The following OVOL2 variants were observed in gnomAD, a reference collection of about 807,000 sequenced individuals.
OVOL2 encodes ovo like zinc finger 2, also known as transcription factor Ovo-like 2.
Under a neutral mutation model 18.1 loss-of-function variants are expected in OVOL2, and 13 were observed. The ratio of observed to expected loss-of-function variants is 0.72; its 90% CI spans 0.47 to 1.14. OVOL2 has a LOEUF of 1.14. Ranked by LOEUF, OVOL2 falls within the 50% of genes most tolerant of loss-of-function variation. OVOL2 has a pLI of 0.00. For missense variants in OVOL2, 335 were observed against 383.0 expected, an observed-to-expected ratio of 0.87 and a Z score of 1.05; for synonymous variants, 166 against 162.7, an observed-to-expected ratio of 1.02 and a Z score of -0.16.
intron 3 of OVOL2, among the ~76,000 whole-genome samples, chr20:18,039,323 CT>C (rs776459096): frequency 1.4e-4 from 22 of 152,116 alleles, no homozygotes; most frequent in Non-Finnish European, 2.9e-4. Context: ...TGAAAAGTCT[CT>C]TTAGAAAAAG....
intron 3 of OVOL2, among the ~76,000 whole-genome samples, chr20:18,036,218 G>A (rs953756721): frequency 7.2e-5 from 11 of 152,034 alleles, no homozygotes; most frequent in Admixed American, 6.6e-4. Context: ...ACTTGAACCC[G>A]GGAGGCAGAG....
At position 18,056,792 on chromosome 20, in the gene OVOL2, C is replaced by T; in HGVS notation, c.186G>A (p.Ala62=). The part of the protein sequence containing the change: ...GSSSGSGSSS[A]GEPGGAESSS... ...TGCTCTCTGCTCCTCCAGGCTCCCC[C>T]GCGCTGCTGCTGCCGCTGCCGCTGC... The change falls in exon 2 of 4, where the codon GCG becomes GCA. Residue 62 remains alanine (A), a synonymous_variant. Coordinates refer to ENST00000278780, the MANE Select transcript of OVOL2 (RefSeq NM_021220.4). This position sits in a 1 kb window ranked among gnomAD's most constrained non-coding sequence, Gnocchi z 4.2. 1.3e-6 allele frequency: 2 copies of T among 1,498,386 alleles called. No homozygotes were observed. Among genetic ancestry groups the T allele is most frequent in the Non-Finnish European group, 1.8e-6 (2 of 1,131,268 alleles). 92.8% of individuals were successfully genotyped at this position (1,498,386 alleles called of 1,614,324 possible).
intron 2 of OVOL2, among the ~76,000 whole-genome samples, chr20:18,043,269 A>T (rs1425474317): frequency 6.6e-6 from 1 of 152,200 alleles, no homozygotes; most frequent in Non-Finnish European, 1.5e-5. Flanking sequence ...TGCTCCATTT[A>T]TCAAGAGATG....
At chr20:18,033,227 T>C (rs1017092122) in intron 3 of OVOL2, among the ~76,000 whole-genome samples, 17 of 152,190 alleles carry the variant, frequency 1.1e-4, no homozygotes, top group African/African-American at 4.1e-4. Context: ...CCTCTGAATG[T>C]AGGCCCCGAT....
chr20:18,055,273 A>T (rs2036809984), intron 2 of OVOL2, among the ~76,000 whole-genome samples: 1 of 152,192 alleles, frequency 6.6e-6, no homozygotes, highest in Non-Finnish European at 1.5e-5. Context: ...TGGGGGACAG[A>T]GGGGCAAACT....
At chr20:18,050,168 C>T (rs935220894) in intron 2 of OVOL2, among the ~76,000 whole-genome samples, 6 of 152,162 alleles carry the variant, frequency 3.9e-5, no homozygotes, top group African/African-American at 7.2e-5. Flanking sequence ...CCTGCACCGC[C>T]GAAGCTAGAG....
chr20:18,051,887 C>T (rs1207957455), intron 2 of OVOL2, among the ~76,000 whole-genome samples: 1 of 152,164 alleles, frequency 6.6e-6, no homozygotes, highest in Non-Finnish European at 1.5e-5. Flanking sequence ...TGCATGCCAC[C>T]AAGCCCTACT....
In OVOL2 at chr20:18,056,853, T is replaced by C. The variant is rs764951256; in HGVS notation, c.125A>G (p.Asp42Gly). 1.3e-5 allele frequency: 19 copies of C among 1,481,304 alleles called. No individual in the cohort carries two copies. The South Asian group carries it at 1.5e-4, about 12-fold the overall frequency. The allele number at this position is 1,481,304 out of a possible 1,614,324, so 91.8% of individuals were successfully genotyped here. A position where few individuals can be genotyped will look rare whatever the true frequency, so the allele number is the denominator to read the frequency against. ...GTCGCTGCGGCAGTCCTCGGGGGGG[T>C]CGTGGAGCAGGCGGCCTAGGCCCAC... ...IPVGLGRLLH[D>G]PPEDCRSDGG... The change falls in exon 2 of 4, where the codon GAC becomes GGC. Residue 42 changes from aspartate (D) to glycine (G), a missense_variant. By Grantham distance (94) the Asp-to-Gly change is moderately conservative. Transcript: ENST00000278780. The surrounding 1 kb of genome is among the most constrained non-coding windows in gnomAD (Gnocchi z 4.2).
Position 18,024,807 on chromosome 20 carries a change from G to A in OVOL2, c.657C>T (p.Cys219=), listed in dbSNP as rs772646157. The change falls in exon 4 of 4, where the codon TGC becomes TGT. Residue 219 remains cysteine (C), a synonymous_variant. Transcript: ENST00000278780. ...RRDKLYVCED[C]GYTGPTQEDL... is the part of the protein sequence containing the mutation. ...CCTCCTGGGTGGGGCCCGTGTAGCC[G>A]CAATCCTCGCAGACGTAGAGCTTGT... is the stretch of plus-strand genomic sequence containing the variant. 2.2e-5 allele frequency: 35 copies of A among 1,614,016 alleles called. No homozygotes were observed. The highest frequency in any genetic ancestry group is 8.8e-5 in the South Asian group (8 of 91,086).
At chr20:18,036,562 TC>T (rs1329485899) in intron 3 of OVOL2, among the ~76,000 whole-genome samples, 2 of 152,166 alleles carry the variant, frequency 1.3e-5, no homozygotes, top group African/African-American at 4.8e-5. Context: ...GAAGGTATTT[TC>T]ATTCACTAAC....
At position 18,039,480 on chromosome 20, in the gene OVOL2, A is replaced by C. The variant is rs565277110; in HGVS notation, c.511+2054T>G. Reference sequence around the variant, plus strand: ...CTACAAAAAATACAAAATACAAAAAAAATTAGCTGGGAGTGGTGGCATGCA... The same window carrying C: ...CTACAAAAAATACAAAATACAAAAACAATTAGCTGGGAGTGGTGGCATGCA... On this transcript the variant is annotated intron_variant, in intron 3 of 3. Coordinates refer to ENST00000278780, the MANE Select transcript of OVOL2 (RefSeq NM_021220.4). 2.0e-5 allele frequency among the ~76,000 whole-genome samples: 3 copies of C among 152,098 alleles called. No individual in the cohort carries two copies. The South Asian group carries it at 6.2e-4, about 32-fold the overall frequency.
intron 2 of OVOL2, among the ~76,000 whole-genome samples, chr20:18,042,646 C>A (rs1425114627): frequency 6.6e-6 from 1 of 151,732 alleles, no homozygotes; most frequent in Non-Finnish European, 1.5e-5. Context: ...CGTGGTGGTG[C>A]ATGCCTGTAA....
intron 3 of OVOL2, among the ~76,000 whole-genome samples, chr20:18,029,023 TTTTTA>T (rs201100032): frequency 7.7e-6 from 1 of 129,904 alleles, no homozygotes; most frequent in African/African-American, 2.7e-5. Context: ...TATATGTACA[TTTTTA>T]TTTTATTTTA....
Position 18,047,168 on chromosome 20 carries a change from G to C in OVOL2, c.322-5445C>G, listed in dbSNP as rs74901624. On this transcript the variant is annotated intron_variant, in intron 2 of 3. Coordinates refer to ENST00000278780, the MANE Select transcript of OVOL2 (RefSeq NM_021220.4). ...AGTTACCTAACTTAGTTGTAGGCAA[G>C]TTACCTAACTTCTCTAAGCCTTCAT... Among the ~76,000 whole-genome samples the C allele has an allele frequency of 9.4e-3, 1,426 of 152,294 alleles. 28 individuals are homozygous for C. The highest frequency in any genetic ancestry group is 0.033 in the African/African-American group (1,361 of 41,540).
At position 18,041,535 on chromosome 20, in the gene OVOL2, T is replaced by G; in HGVS notation, c.510A>C (p.Thr170=). The G allele has an allele frequency of 6.2e-7, 1 of 1,609,006 alleles. No individual in the cohort carries two copies. ...FDLKRHVRTH[T]GIRPYKCNVC... ...ACAAAGCACGCACTCCCCGCTCACC[T>G]GTGTGTGTGCGGACGTGCCTCTTCA... The change falls in exon 3 of 4, where the codon ACA becomes ACC. Residue 170 remains threonine (T), a splice_region_variant and synonymous_variant. Coordinates refer to ENST00000278780, the MANE Select transcript of OVOL2 (RefSeq NM_021220.4).
intron 2 of OVOL2, among the ~76,000 whole-genome samples, chr20:18,054,390 TG>T (rs1186634509): frequency 1.3e-5 from 2 of 152,356 alleles, no homozygotes; most frequent in Admixed American, 6.5e-5. Flanking sequence ...GTTGCTTCTC[TG>T]TGCCAGGCAA....
intron 2 of OVOL2, among the ~76,000 whole-genome samples, chr20:18,045,194 C>T (rs1416714952): frequency 1.3e-5 from 2 of 152,190 alleles, no homozygotes; most frequent in East Asian, 1.9e-4. Flanking sequence ...TACTTCCACC[C>T]TTGAAGGGAT....
intron 3 of OVOL2, among the ~76,000 whole-genome samples, chr20:18,040,822 G>A (rs1046006915): frequency 1.3e-5 from 2 of 152,188 alleles, no homozygotes; most frequent in Non-Finnish European, 2.9e-5. Flanking sequence ...TGTGTCTCAG[G>A]AGGAACACGA....
intron 3 of OVOL2, among the ~76,000 whole-genome samples, chr20:18,036,829 C>T (rs920891794): frequency 3.9e-5 from 6 of 152,160 alleles, no homozygotes; most frequent in Non-Finnish European, 7.3e-5. Context: ...CCTCTAGAAG[C>T]AAGCAGGCTT....
Sources: gnomAD v4.1 joint callset for allele counts (sites outside exome capture counted in the v4.1 genomes callset) on GRCh38, gnomAD v4.1.1 for gene constraint, Gnocchi (gnomAD v3.1) non-coding constraint, MANE v1.5 for transcripts, NCBI Gene and HGNC (gene_info 2026-07-23, HGNC 2026-07-21) for gene names.